The following FSHR variants were observed in gnomAD, a reference collection of about 807,000 sequenced individuals.
FSHR encodes the protein follicle stimulating hormone receptor.
In FSHR, 46 loss-of-function variants were observed where a neutral mutation model predicts 52.1. The ratio of observed to expected loss-of-function variants is 0.88; its 90% CI spans 0.70 to 1.13. The LOEUF (loss-of-function observed/expected upper bound fraction) is 1.13, where lower values mean the gene tolerates loss of function less well. Among genes scored for constraint, FSHR ranks in the 50% most tolerant of loss-of-function variants. The probability of loss-of-function intolerance (pLI) is 0.00; values close to 1 mark genes in which losing one functional copy is unlikely to be tolerated. For synonymous variants in FSHR, 399 were observed against 309.6 expected (o/e 1.29, Z -3.03); for missense variants, 964 against 834.6 (o/e 1.16, Z -1.91).
intron 1 of FSHR, among the ~76,000 whole-genome samples, chr2:49,146,951 G>A (rs1166532518): frequency 6.6e-6 from 1 of 152,046 alleles, no homozygotes; most frequent in Non-Finnish European, 1.5e-5. Context: ...ACTTTATGTT[G>A]ACTCTTGCTG....
At chr2:49,109,779 G>T (rs937290741) in intron 1 of FSHR, among the ~76,000 whole-genome samples, 3 of 152,132 alleles carry the variant, frequency 2.0e-5, no homozygotes, top group Non-Finnish European at 2.9e-5. Context: ...GGGGAGATGG[G>T]AAGCAACTCT....
intron 1 of FSHR, among the ~76,000 whole-genome samples, chr2:49,117,603 C>A (rs1040561326): frequency 6.6e-6 from 1 of 152,016 alleles, no homozygotes; most frequent in African/African-American, 2.4e-5. Flanking sequence ...AAGCACTGTG[C>A]AATGAAGCTG....
At position 49,131,855 on chromosome 2, in the gene FSHR, T is replaced by A. The variant is rs57979338; in HGVS notation, c.152+22411A>T. On this transcript the variant is annotated intron_variant, in intron 1 of 9. Transcript: ENST00000406846. ...TCTTACTACCATATATTTAAATCCT[T>A]TTTTATACCCAGCACATGCCTCACC... Among the ~76,000 whole-genome samples, 1,166 of 152,284 alleles carry A rather than the reference T, an allele frequency of 7.7e-3. 13 individuals carry two copies. Among genetic ancestry groups the A allele is most frequent in the African/African-American group, 0.026 (1,101 of 41,550 alleles).
chr2:48,994,928 T>C (rs1009824597), intron 4 of FSHR, among the ~76,000 whole-genome samples: 6 of 152,166 alleles, frequency 3.9e-5, no homozygotes, highest in African/African-American at 1.4e-4. Context: ...AAAGTGAAAG[T>C]GAGCTTCTCT....
chr2:49,071,352 T>C (rs1185861078), intron 1 of FSHR, among the ~76,000 whole-genome samples: 1 of 152,062 alleles, frequency 6.6e-6, no homozygotes, highest in Non-Finnish European at 1.5e-5. Flanking sequence ...AAATAAAAAA[T>C]AATTAGAAAA....
intron 1 of FSHR, among the ~76,000 whole-genome samples, chr2:49,070,965 C>T (rs996521028): frequency 2.0e-5 from 3 of 152,052 alleles, no homozygotes; most frequent in African/African-American, 7.2e-5. Flanking sequence ...GAATGCAAAC[C>T]AGAATTCTAA....
rs1350523817 is a variant in FSHR, at chr2:49,122,122, G to A, written c.152+32144C>T. Among the ~76,000 whole-genome samples the A allele has an allele frequency of 4.4e-4, 67 of 152,286 alleles. 2 individuals carry two copies. The highest frequency in any genetic ancestry group is 1.5e-3 in the East Asian group (8 of 5,180). ...TTCCAAATCCTGGCATTGGTGGTGA[G>A]AGAGGTGAACTTTTCCTTTCTCAAC... On this transcript the variant is annotated intron_variant, in intron 1 of 9. Transcript: ENST00000406846.
intron 1 of FSHR, among the ~76,000 whole-genome samples, chr2:49,135,151 A>G (rs1336428241): frequency 6.6e-6 from 1 of 152,216 alleles, no homozygotes; most frequent in Non-Finnish European, 1.5e-5. Flanking sequence ...TAATTCAACA[A>G]TAGGAGATAC....
At chr2:49,090,121 TCGAGTGTG>T (rs1272425858) in intron 1 of FSHR, among the ~76,000 whole-genome samples, 1 of 121,826 alleles carries the variant, frequency 8.2e-6, no homozygotes, top group African/African-American at 3.5e-5. Context: ...TACAGTAAAA[TCGAGTGTG>T]TGTGTGTGTG....
chr2:49,054,071 C>G (rs1013423976), intron 2 of FSHR, among the ~76,000 whole-genome samples: 1 of 152,210 alleles, frequency 6.6e-6, no homozygotes, highest in Non-Finnish European at 1.5e-5. Flanking sequence ...GAGGTACATT[C>G]TGCAATATCT....
chr2:49,067,689 T>A (rs1274715915), intron 2 of FSHR, among the ~76,000 whole-genome samples: 1 of 152,082 alleles, frequency 6.6e-6, no homozygotes, highest in African/African-American at 2.4e-5. Flanking sequence ...GTGAACTGAA[T>A]GTTTGCAGTA....
At chr2:49,049,106 A>G (rs1275980645) in intron 2 of FSHR, among the ~76,000 whole-genome samples, 2 of 152,144 alleles carry the variant, frequency 1.3e-5, no homozygotes. Context: ...CAGAGCCACA[A>G]GGATATTTTT....
chr2:49,110,127 A>G (rs1671372041), intron 1 of FSHR, among the ~76,000 whole-genome samples: 1 of 152,276 alleles, frequency 6.6e-6, no homozygotes, highest in South Asian at 2.1e-4. Flanking sequence ...CATATTTAAT[A>G]TGTCATTACC....
intron 9 of FSHR, among the ~76,000 whole-genome samples, chr2:48,964,866 CATAA>C (rs546853647): frequency 3.0e-4 from 45 of 152,102 alleles, no homozygotes; most frequent in Middle Eastern, 3.4e-3. Context: ...CGAGTATACC[CATAA>C]ATATTCTACC....
chr2:49,036,443 A>T (rs1332938501), intron 2 of FSHR, among the ~76,000 whole-genome samples: 3 of 151,606 alleles, frequency 2.0e-5, no homozygotes, highest in African/African-American at 4.8e-5. Context: ...TATATAAATT[A>T]AAAAATCATG....
intron 1 of FSHR, among the ~76,000 whole-genome samples, chr2:49,116,772 G>C (rs1404845485): frequency 1.3e-5 from 2 of 152,050 alleles, no homozygotes; most frequent in African/African-American, 4.8e-5. Flanking sequence ...TGATGCACAT[G>C]TACATTGTAG....
At chr2:48,994,103 T>A (rs1198842047) in intron 4 of FSHR, among the ~76,000 whole-genome samples, 1 of 152,202 alleles carries the variant, frequency 6.6e-6, no homozygotes. Flanking sequence ...GCATAAAATG[T>A]GCTCAATGTT....
At chr2:49,042,246 C>A (rs12465332) in intron 2 of FSHR, among the ~76,000 whole-genome samples, 40,361 of 152,050 alleles carry the variant, frequency 0.27, 6,397 homozygotes, top group Non-Finnish European at 0.35. Context: ...TTTTTTCCCC[C>A]GAGTGACTTA....
chr2:49,092,592 C>A (rs532102629), intron 1 of FSHR, among the ~76,000 whole-genome samples: 2 of 152,026 alleles, frequency 1.3e-5, no homozygotes, highest in African/African-American at 2.4e-5. Context: ...TTGATTTAAT[C>A]TTTTTTCTTT....
Sources: gnomAD v4.1 joint callset for allele counts (sites outside exome capture counted in the v4.1 genomes callset) on GRCh38, gnomAD v4.1.1 for gene constraint, MANE v1.5 for transcripts, NCBI Gene and HGNC (gene_info 2026-07-23, HGNC 2026-07-21) for gene names.